Variants in NAV1 observed in about 807,000 individuals in gnomAD.
NAV1 encodes neuron navigator 1, also known as pore membrane and/or filament interacting like protein 3.
A neutral mutation model predicts 175.2 loss-of-function variants in NAV1; 18 were observed. The ratio of observed to expected loss-of-function variants is 0.10; its 90% confidence interval spans 0.07 to 0.15. The LOEUF is 0.15. NAV1 is among the 10% of genes least tolerant of loss of function. NAV1 has a pLI of 1.00. For missense variants in NAV1, 1,731 were observed against 2,436.6 expected, an observed-to-expected ratio of 0.71 and a Z score of 6.10; for synonymous variants, 897 against 978.7, an observed-to-expected ratio of 0.92 and a Z score of 1.56.
intron 29 of NAV1, among the ~76,000 whole-genome samples, chr1:201,819,447 G>T (rs539753481): frequency 6.8e-6 from 1 of 148,054 alleles, no homozygotes; most frequent in Non-Finnish European, 1.5e-5. Flanking sequence ...TCAGACCCAT[G>T]ATCTAGATTT....
intron 1 of NAV1, among the ~76,000 whole-genome samples, chr1:201,661,417 TGGAG>T (rs1669611562): frequency 6.6e-6 from 1 of 152,178 alleles, no homozygotes; most frequent in Non-Finnish European, 1.5e-5. Flanking sequence ...AGCAAAGCCC[TGGAG>T]CTTCAAGAAG....
chr1:201,810,354 A>C lies in NAV1; in HGVS notation c.4562-169A>C, dbSNP rs1401676271. Among the ~76,000 whole-genome samples the C allele has an allele frequency of 6.6e-6, 1 of 152,068 alleles. No individual in the cohort carries two copies. The highest frequency in any genetic ancestry group is 1.5e-5 in the Non-Finnish European group (1 of 68,020). On this transcript the variant is annotated intron_variant, in intron 23 of 29. Coordinates refer to ENST00000367296, the Ensembl canonical transcript of NAV1. This position sits in a 1 kb window ranked among gnomAD's most constrained non-coding sequence, Gnocchi z 6.0. ...AGCTCACAGCATGTCCCTAAAAAGA[A>C]GATCTAAGTTTTCAAAACTAGGGGT...
chr1:201,783,655 A>G (rs774839810), exon 7 of NAV1: 2 of 1,614,228 alleles, frequency 1.2e-6, no homozygotes, highest in Admixed American at 3.3e-5. Flanking sequence ...TCAGTGTGCC[A>G]AAAGAGACCC....
chr1:201,731,610 TTG>T (rs1672864109), intron 3 of NAV1, among the ~76,000 whole-genome samples: 1 of 152,190 alleles, frequency 6.6e-6, no homozygotes, highest in Non-Finnish European at 1.5e-5. Flanking sequence ...CCTGCCCTCT[TTG>T]ACTGCTCACC....
rs1571858664 is a variant in NAV1, at chr1:201,642,557, T to TTTCTTTCTTTCTTTC, written c.5-6074_5-6073insTTTCTTTCTTTCTTC. 8.7e-3 allele frequency among the ~76,000 whole-genome samples: 927 copies of TTTCTTTCTTTCTTTC among 106,068 alleles called. 76 individuals are homozygous for TTTCTTTCTTTCTTTC. The highest frequency in any genetic ancestry group is 0.017 in the African/African-American group (407 of 23,566). The allele number at this position is 106,068 out of a possible 152,430, so 69.6% of individuals were successfully genotyped here. A position where few individuals can be genotyped will look rare whatever the true frequency, so the allele number is the denominator to read the frequency against. Reference sequence around the variant, plus strand: ...TCTTTCTTTCTTTCTTTCTTTCTTTTTTCCCTTTCTTCCCTTCCTTCTCTT... The same window carrying TTTCTTTCTTTCTTTC: ...TCTTTCTTTCTTTCTTTCTTTCTTTTTTCTTTCTTTCTTTCTTCCCTTTCTTCCCTTCCTTCTCTT... On this transcript the variant is annotated intron_variant, in intron 2 of 29. Transcript: ENST00000367302.
chr1:201,799,261 T>C (rs1677685415), intron 15 of NAV1, among the ~76,000 whole-genome samples: 1 of 151,980 alleles, frequency 6.6e-6, no homozygotes, highest in South Asian at 2.1e-4. Context: ...GGAGGGCATA[T>C]GGGTTTTTCT....
chr1:201,593,615 C>G (rs1667269661), intron 2 of NAV1, among the ~76,000 whole-genome samples: 1 of 152,168 alleles, frequency 6.6e-6, no homozygotes, highest in African/African-American at 2.4e-5. Context: ...CAGGAGTCCT[C>G]TGAGCTTCCA....
intron 1 of NAV1, among the ~76,000 whole-genome samples, chr1:201,684,460 C>T (rs1670592966): frequency 1.4e-5 from 2 of 141,804 alleles, no homozygotes; most frequent in South Asian, 4.5e-4. Context: ...TCTAAACTTT[C>T]TTCCTTTATG....
At chr1:201,683,420 A>T (rs1011339889) in intron 1 of NAV1, among the ~76,000 whole-genome samples, 1 of 152,112 alleles carries the variant, frequency 6.6e-6, no homozygotes, top group Non-Finnish European at 1.5e-5. Context: ...TTTTGAGATG[A>T]AACTGCTCCA....
chr1:201,707,430 G>A (rs1671716674), intron 1 of NAV1, among the ~76,000 whole-genome samples: 1 of 152,198 alleles, frequency 6.6e-6, no homozygotes, highest in African/African-American at 2.4e-5. Flanking sequence ...CCCACCAAGT[G>A]GGTATCATGC....
At chr1:201,611,333 T>A (rs1475841243) in intron 2 of NAV1, among the ~76,000 whole-genome samples, 2 of 152,030 alleles carry the variant, frequency 1.3e-5, no homozygotes, top group East Asian at 3.9e-4. Context: ...TACTATGCGC[T>A]CCCCACCACG....
At chr1:201,733,156 G>T (rs894307574) in intron 3 of NAV1, among the ~76,000 whole-genome samples, 3 of 151,670 alleles carry the variant, frequency 2.0e-5, no homozygotes, top group Non-Finnish European at 4.4e-5. Context: ...CAAGGCGGGC[G>T]GATCATGAGG....
intron 1 of NAV1, among the ~76,000 whole-genome samples, chr1:201,560,076 A>G (rs1666153091): frequency 6.6e-6 from 1 of 152,188 alleles, no homozygotes; most frequent in East Asian, 1.9e-4. Flanking sequence ...GCAGAACCGT[A>G]TCTGTCTCTC....
chr1:201,778,059 C>G (rs980514096), intron 3 of NAV1, among the ~76,000 whole-genome samples: 2 of 152,174 alleles, frequency 1.3e-5, no homozygotes, highest in South Asian at 2.1e-4. Flanking sequence ...TCAGAACTTG[C>G]AAAAGAATTT....
intron 2 of NAV1, among the ~76,000 whole-genome samples, chr1:201,601,091 G>T (rs920469602): frequency 6.6e-6 from 1 of 152,212 alleles, no homozygotes; most frequent in Non-Finnish European, 1.5e-5. Context: ...AGCTGGAGGA[G>T]TCTTCAGACT....
exon 21 of NAV1, chr1:201,809,191 C>T (rs1333534942): frequency 1.6e-5 from 26 of 1,613,970 alleles, no homozygotes; most frequent in Non-Finnish European, 2.1e-5. Context: ...GGCATCAGTA[C>T]TTGTGGTCCA....
In NAV1 at chr1:201,808,736, C is replaced by T; in HGVS notation, c.4072C>T (p.Arg1358Ter). The change falls in exon 20 of 30, where the codon CGA (arginine) becomes TGA (stop). Residue 1358 changes from arginine (R) to a stop codon, truncating the protein, a stop_gained. Transcript: ENST00000367296. LOFTEE classifies it high-confidence loss of function. The surrounding 1 kb of genome is among the most constrained non-coding windows in gnomAD (Gnocchi z 5.5). The stretch of plus-strand genomic sequence containing the variant: ...GGACCTGCTGAAAGCAGAGAATGAC[C>T]GACTGAAGGTAGCCCCAGGCCCCTC... The T allele has an allele frequency of 1.9e-6, 3 of 1,614,188 alleles. No individual in the cohort carries two copies. The highest frequency in any genetic ancestry group is 1.1e-5 in the South Asian group (1 of 91,080).
chr1:201,704,631 T>C (rs1022743748), intron 1 of NAV1, among the ~76,000 whole-genome samples: 7 of 152,352 alleles, frequency 4.6e-5, no homozygotes, highest in Admixed American at 6.5e-5. Context: ...CATCCAATAC[T>C]GGTGGTATGC....
At chr1:201,734,499 G>GAAGAAGAAGAAGAAGAAGAAGAAGAAGC (rs1673016206) in intron 3 of NAV1, among the ~76,000 whole-genome samples, 1 of 121,060 alleles carries the variant, frequency 8.3e-6, no homozygotes, top group Non-Finnish European at 1.8e-5. Context: ...GAAGGAGAAG[G>GAAGAAGAAGAAGAAGAAGAAGAAGAAGC]AGAAGAAGAA....
Sources: gnomAD v4.1 joint callset for allele counts (sites outside exome capture counted in the v4.1 genomes callset) on GRCh38, gnomAD v4.1.1 for gene constraint, Gnocchi (gnomAD v3.1) non-coding constraint, MANE v1.5 for transcripts, NCBI Gene and HGNC (gene_info 2026-07-23, HGNC 2026-07-21) for gene names.